The following ANKH variants were observed in gnomAD, a reference collection of about 807,000 sequenced individuals.
ANKH encodes mineralization regulator ANKH.
In ANKH, 15 loss-of-function variants were observed where a neutral mutation model predicts 49.0. The observed-to-expected ratio is 0.31, with a 90% CI of 0.20 to 0.47. The LOEUF (loss-of-function observed/expected upper bound fraction) is 0.47. Among genes scored for constraint, ANKH ranks in the 20% least tolerant of loss-of-function variants. The pLI is 1.00. For missense variants in ANKH, 429 were observed against 652.0 expected, an observed-to-expected ratio of 0.66 and a Z score of 3.72; for synonymous variants, 273 against 260.0, an observed-to-expected ratio of 1.05 and a Z score of -0.48.
chr5:14,838,042 T>G (rs1741706680), intron 1 of ANKH, among the ~76,000 whole-genome samples: 1 of 151,926 alleles, frequency 6.6e-6, no homozygotes, highest in African/African-American at 2.4e-5. Context: ...ATGTTATCAC[T>G]CATAGGTGGG....
chr5:14,860,895 G>C (rs1735468021), intron 1 of ANKH, among the ~76,000 whole-genome samples: 1 of 152,046 alleles, frequency 6.6e-6, no homozygotes. Flanking sequence ...TGATTCTCCT[G>C]CCTCAGCCTC....
chr5:14,802,917 AGCAT>A (rs1337529863), intron 1 of ANKH, among the ~76,000 whole-genome samples: 21 of 152,302 alleles, frequency 1.4e-4, no homozygotes, highest in Admixed American at 1.3e-3. Context: ...GTTGAATGGG[AGCAT>A]GACTCTCACC....
chr5:14,782,295 A>T (rs183801168), intron 1 of ANKH, among the ~76,000 whole-genome samples: 1 of 152,130 alleles, frequency 6.6e-6, no homozygotes, highest in African/African-American at 2.4e-5. Flanking sequence ...CTAAGATCTT[A>T]CCTTCCCCTG....
rs148187852 is a variant in ANKH at position 14,867,255 on chromosome 5, T to C, written c.96+4097A>G. Among the ~76,000 whole-genome samples the C allele has an allele frequency of 5.6e-3, 848 of 152,070 alleles. 9 individuals are homozygous for C. The highest frequency in any genetic ancestry group is 0.019 in the African/African-American group (805 of 41,494). ...AAGCTAGAACTTATTCCTAAATTTA[T>C]AAAGACCAGGTGGGTATGGGCTTGA... On this transcript the variant is annotated intron_variant, in intron 1 of 11. Coordinates refer to ENST00000284268, the MANE Select transcript of ANKH (RefSeq NM_054027.6).
chr5:14,809,973 A>C (rs1740827828), intron 1 of ANKH, among the ~76,000 whole-genome samples: 1 of 152,132 alleles, frequency 6.6e-6, no homozygotes, highest in Non-Finnish European at 1.5e-5. Context: ...AGCTGAATTC[A>C]AGCCACAGAC....
intron 1 of ANKH, among the ~76,000 whole-genome samples, chr5:14,773,804 G>A (rs1488645251): frequency 1.3e-5 from 2 of 152,154 alleles, no homozygotes; most frequent in African/African-American, 4.8e-5. Flanking sequence ...TTGCCAAGGC[G>A]ACATCGTAAA....
intron 1 of ANKH, among the ~76,000 whole-genome samples, chr5:14,801,604 GT>G (rs1455313307): frequency 6.6e-6 from 1 of 152,198 alleles, no homozygotes; most frequent in Non-Finnish European, 1.5e-5. Context: ...CTTAACAAAT[GT>G]TTTTGCCTAC....
At chr5:14,813,216 G>A (rs1740938072) in intron 1 of ANKH, among the ~76,000 whole-genome samples, 1 of 150,750 alleles carries the variant, frequency 6.6e-6, no homozygotes, top group African/African-American at 2.4e-5. Flanking sequence ...ACCTCAGCCT[G>A]GGCAATAGAG....
chr5:14,711,181 C>G lies in ANKH; in HGVS notation c.*16G>C. 1 of 1,596,830 alleles carries G rather than the reference C, an allele frequency of 6.3e-7. No individual in the cohort carries two copies. The highest frequency in any genetic ancestry group is 8.6e-7 in the Non-Finnish European group (1 of 1,164,316). The stretch of plus-strand genomic sequence containing the variant: ...CCTGACTGACTGTCCCTGCAGTGCC[C>G]ATGGCGTCCCGTGCCTTATTCATTC... On this transcript the variant is annotated 3_prime_UTR_variant, in exon 12 of 12. Coordinates refer to ENST00000284268, the MANE Select transcript of ANKH (RefSeq NM_054027.6).
chr5:14,788,819 G>A (rs1047712831), intron 1 of ANKH, among the ~76,000 whole-genome samples: 4 of 152,110 alleles, frequency 2.6e-5, no homozygotes. Context: ...AGTGGAAAGG[G>A]AACTTTAGAA....
chr5:14,826,192 C>T (rs555886584), intron 1 of ANKH, among the ~76,000 whole-genome samples: 3 of 152,142 alleles, frequency 2.0e-5, no homozygotes, highest in Non-Finnish European at 4.4e-5. Context: ...TTTTTCCATG[C>T]ACATGTGTAT....
intron 1 of ANKH, among the ~76,000 whole-genome samples, chr5:14,769,556 GAC>G (rs1739358907): frequency 2.6e-5 from 4 of 152,120 alleles, no homozygotes; most frequent in Non-Finnish European, 5.9e-5. Context: ...AATGGCAAGA[GAC>G]ATTCTGAAAA....
At chr5:14,739,022 T>C (rs1738271874) in intron 8 of ANKH, among the ~76,000 whole-genome samples, 1 of 152,118 alleles carries the variant, frequency 6.6e-6, no homozygotes, top group Non-Finnish European at 1.5e-5. Context: ...CTCATGAAGT[T>C]TGGGGCCCAA....
At position 14,854,828 on chromosome 5, in the gene ANKH, GC is replaced by G. The variant is rs568989478; in HGVS notation, c.96+16523del. ...CCTTCCCACCCCAACCCTGAACCAGGCCACAGCTGTCTCTCTGGTAGTTGCC... is the reference window on the plus strand; with the variant it reads ...CCTTCCCACCCCAACCCTGAACCAGGCACAGCTGTCTCTCTGGTAGTTGCC... On this transcript the variant is annotated intron_variant, in intron 1 of 11. Transcript: ENST00000284268. Among the ~76,000 whole-genome samples the G allele has an allele frequency of 2.0e-5, 3 of 152,208 alleles. No homozygotes were observed. In the South Asian group the frequency reaches 6.2e-4, roughly 32 times the overall value.
intron 1 of ANKH, among the ~76,000 whole-genome samples, chr5:14,830,508 G>GGA (rs1554008974): frequency 4.3e-5 from 5 of 117,522 alleles, no homozygotes; most frequent in East Asian, 3.6e-4. Context: ...TGAGGTAGGG[G>GGA]GAGTGTGTGT....
At chr5:14,846,827 A>C (rs1365406093) in intron 1 of ANKH, among the ~76,000 whole-genome samples, 1 of 151,858 alleles carries the variant, frequency 6.6e-6, no homozygotes, top group Non-Finnish European at 1.5e-5. Context: ...CTGCGTCTCT[A>C]CTAAAAACAC....
intron 1 of ANKH, among the ~76,000 whole-genome samples, chr5:14,857,828 G>A (rs1394103638): frequency 6.6e-6 from 1 of 152,170 alleles, no homozygotes; most frequent in Non-Finnish European, 1.5e-5. Flanking sequence ...CCCACCATGT[G>A]CCAGGATCAG....
rs1174048181 is a variant in ANKH at position 14,710,254 on chromosome 5, G to A, written c.*943C>T. On this transcript the variant is annotated 3_prime_UTR_variant, in exon 12 of 12. Transcript: ENST00000284268. ...AACCTGGCATTAGAATGCTGGATGA[G>A]ACTTAAAGCTTCAGTTCACTGTAAA... 1 of 152,192 alleles carries A rather than the reference G, an allele frequency of 6.6e-6. No individual in the cohort carries two copies. The highest frequency in any genetic ancestry group is 1.5e-5 in the Non-Finnish European group (1 of 68,046). The allele number at this position is 152,192 out of a possible 1,614,324, so 9.4% of individuals were successfully genotyped here.
At chr5:14,719,227 C>T (rs898553273) in intron 8 of ANKH, among the ~76,000 whole-genome samples, 5 of 152,174 alleles carry the variant, frequency 3.3e-5, no homozygotes, top group African/African-American at 9.7e-5. Context: ...GTTTTGAAGG[C>T]GGATGATTTC....
Sources: gnomAD v4.1 joint callset for allele counts (sites outside exome capture counted in the v4.1 genomes callset) on GRCh38, gnomAD v4.1.1 for gene constraint, MANE v1.5 for transcripts, NCBI Gene and HGNC (gene_info 2026-07-23, HGNC 2026-07-21) for gene names.